The following RALGAPA2 variants were observed in gnomAD, a reference collection of about 807,000 sequenced individuals.
RALGAPA2 encodes the protein Ral GTPase activating protein catalytic subunit alpha 2.
In RALGAPA2, 139 loss-of-function variants were observed where a neutral mutation model predicts 230.4. The observed-to-expected ratio is 0.60, with a 90% CI of 0.53 to 0.69. The LOEUF (loss-of-function observed/expected upper bound fraction) is 0.69. Ranked by LOEUF, RALGAPA2 falls within the 30% of genes least tolerant of loss-of-function variation. RALGAPA2 has a pLI of 0.00. For missense variants in RALGAPA2, 2,163 were observed against 2,276.0 expected (o/e 0.95, Z 1.01); for synonymous variants, 847 against 837.8 (o/e 1.01, Z -0.19).
intron 30 of RALGAPA2, among the ~76,000 whole-genome samples, chr20:20,521,352 T>C (rs1170349473): frequency 6.6e-6 from 1 of 152,156 alleles, no homozygotes; most frequent in Non-Finnish European, 1.5e-5. Context: ...TCTGTGTGAT[T>C]GCACATACCT....
At chr20:20,537,675 G>C (rs2063533633) in intron 24 of RALGAPA2, among the ~76,000 whole-genome samples, 1 of 148,740 alleles carries the variant, frequency 6.7e-6, no homozygotes, top group African/African-American at 2.5e-5. Flanking sequence ...GCCAACACTA[G>C]CAGATATGGT....
chr20:20,495,226 G>C lies in RALGAPA2; in HGVS notation c.5258C>G (p.Ser1753Cys), dbSNP rs1354340414. 2.5e-6 allele frequency: 4 copies of C among 1,609,928 alleles called. No individual in the cohort carries two copies. The African/African-American group carries it at 5.3e-5, about 21-fold the overall frequency. The stretch of plus-strand genomic sequence containing the variant: ...GATAATACCCCTGCGGTAGTCTCTG[G>C]AGTGTTCAGACCAGACGATATGGAC... ...DEVHIVWSEHSRDYRRGIIPT... is the reference protein window; with the variant it reads ...DEVHIVWSEHCRDYRRGIIPT... Residue 1753 changes from serine to cysteine, a missense_variant, in exon 36 of 40, where the codon TCC becomes TGC. Ser to Cys is a moderately radical substitution (Grantham distance 112). Transcript: ENST00000202677.
At chr20:20,672,399 C>T (rs2068165851) in intron 3 of RALGAPA2, among the ~76,000 whole-genome samples, 1 of 152,050 alleles carries the variant, frequency 6.6e-6, no homozygotes, top group Admixed American at 6.5e-5. Flanking sequence ...TGAAATATTA[C>T]ACAGTAAATG....
chr20:20,683,941 G>A (rs1280755682), intron 1 of RALGAPA2, among the ~76,000 whole-genome samples: 1 of 152,154 alleles, frequency 6.6e-6, no homozygotes, highest in Non-Finnish European at 1.5e-5. Flanking sequence ...TTGCTCTAAT[G>A]TAACTTCTGA....
rs2067484930 is a variant in RALGAPA2, at chr20:20,653,582, T to C, written c.276A>G (p.Ile92Met). 1 of 1,468,116 alleles carries C rather than the reference T, an allele frequency of 6.8e-7. No homozygotes were observed. Among genetic ancestry groups the C allele is most frequent in the East Asian group, 2.5e-5 (1 of 40,400 alleles). 90.9% of individuals were successfully genotyped at this position (1,468,116 alleles called of 1,614,324 possible). Residue 92 changes from isoleucine to methionine, a missense_variant, in exon 4 of 40, where the codon ATA (isoleucine) becomes ATG (methionine). By Grantham distance (10) the Ile-to-Met change is conservative. Transcript: ENST00000202677. Reference protein sequence around the residue: ...LDSILFLFEKILQFLPERIFF... With the variant: ...LDSILFLFEKMLQFLPERIFF... ...AAATTCGTTCAGGTAGAAACTGCAG[T>C]ATTTTCTATTAAAAAAAGATATAAA... is the stretch of plus-strand genomic sequence containing the variant.
chr20:20,476,742 T>C (rs1225756605), intron 36 of RALGAPA2, among the ~76,000 whole-genome samples: 4 of 151,088 alleles, frequency 2.6e-5, no homozygotes, highest in Non-Finnish European at 3.0e-5. Flanking sequence ...TTGGACTATA[T>C]AGAAATTTCT....
At chr20:20,672,062 A>G (rs1409989299) in intron 3 of RALGAPA2, among the ~76,000 whole-genome samples, 1 of 152,212 alleles carries the variant, frequency 6.6e-6, no homozygotes, top group Non-Finnish European at 1.5e-5. Context: ...TAGGATTTAC[A>G]GGTGACTATC....
chr20:20,632,675 T>C (rs1287212223), intron 9 of RALGAPA2, among the ~76,000 whole-genome samples: 3 of 152,194 alleles, frequency 2.0e-5, no homozygotes, highest in Non-Finnish European at 2.9e-5. Context: ...CATACAGATT[T>C]TTGTCTGCCT....
At chr20:20,602,142 A>T (rs1304300019) in intron 15 of RALGAPA2, among the ~76,000 whole-genome samples, 1 of 152,232 alleles carries the variant, frequency 6.6e-6, no homozygotes, top group Middle Eastern at 3.2e-3. Flanking sequence ...CTTTCTCAAT[A>T]CAAGAACAAT....
intron 10 of RALGAPA2, among the ~76,000 whole-genome samples, chr20:20,628,592 G>C (rs2066567589): frequency 6.6e-6 from 1 of 152,062 alleles, no homozygotes; most frequent in Admixed American, 6.6e-5. Flanking sequence ...GTCATGGTGG[G>C]GGTGGGGGCC....
At chr20:20,642,930 G>A (rs2146527314) in intron 5 of RALGAPA2, among the ~76,000 whole-genome samples, 1 of 152,190 alleles carries the variant, frequency 6.6e-6, no homozygotes, top group Non-Finnish European at 1.5e-5. Context: ...TGCCATTTAT[G>A]TTTTAGGGTA....
At chr20:20,589,058 T>C (rs6046947) in intron 18 of RALGAPA2, among the ~76,000 whole-genome samples, 6,259 of 152,244 alleles carry the variant, frequency 0.041, 169 homozygotes, top group African/African-American at 0.064. Flanking sequence ...TCCATTTTCA[T>C]GTTAATTTTT....
rs772476212 is a variant in RALGAPA2 at position 20,393,165 on chromosome 20, G to C, written c.*124C>G. On this transcript the variant is annotated 3_prime_UTR_variant, in exon 40 of 40. Coordinates refer to ENST00000202677, the MANE Select transcript of RALGAPA2 (RefSeq NM_020343.4). The stretch of plus-strand genomic sequence containing the variant: ...ATTTCCTGGAGATTCTGGGTTTAGT[G>C]GCTCGGGGCAGAGGCAGGAGAGGGT... The C allele has an allele frequency of 1.4e-5, 19 of 1,356,924 alleles. No individual in the cohort carries two copies. Among genetic ancestry groups the C allele is most frequent in the Non-Finnish European group, 1.8e-5 (18 of 1,017,684 alleles). 84.1% of individuals were successfully genotyped at this position (1,356,924 alleles called of 1,614,324 possible).
At chr20:20,425,626 T>A (rs967465601) in intron 37 of RALGAPA2, among the ~76,000 whole-genome samples, 4 of 152,190 alleles carry the variant, frequency 2.6e-5, no homozygotes, top group Non-Finnish European at 4.4e-5. Flanking sequence ...GGAAAGAAGC[T>A]GATGTGAAGG....
Position 20,584,923 on chromosome 20 carries a change from T to C in RALGAPA2, c.2472A>G (p.Glu824=), listed in dbSNP as rs1373807766. The C allele has an allele frequency of 6.2e-7, 1 of 1,611,594 alleles. No homozygotes were observed. The highest frequency in any genetic ancestry group is 1.3e-5 in the African/African-American group (1 of 74,910). ...ILVRRSSSPA[E]LDLKDDLQQT... is the part of the protein sequence containing the mutation. The stretch of plus-strand genomic sequence containing the variant: ...GCTGCAAATCATCTTTCAAATCCAA[T>C]TCAGCAGGGCTGCTGCTTCTTCGAA... Residue 824 remains glutamate (E), a synonymous_variant, in exon 19 of 40, where the codon GAA becomes GAG. Coordinates refer to ENST00000202677, the MANE Select transcript of RALGAPA2 (RefSeq NM_020343.4).
At chr20:20,593,973 C>T (rs549658368) in intron 16 of RALGAPA2, among the ~76,000 whole-genome samples, 102 of 152,102 alleles carry the variant, frequency 6.7e-4, no homozygotes, top group Non-Finnish European at 1.2e-3. Context: ...TCAGGAGGGA[C>T]GTATCAGATG....
chr20:20,432,340 A>G (rs1408599723), intron 37 of RALGAPA2, among the ~76,000 whole-genome samples: 1 of 152,180 alleles, frequency 6.6e-6, no homozygotes, highest in East Asian at 1.9e-4. Context: ...CCAGGTGATT[A>G]CCATGGGTTA....
In RALGAPA2 at chr20:20,600,043, C is replaced by T. The variant is rs543320175; in HGVS notation, c.2203+1639G>A. ...GGCATGGCAGCTCACTCCTGTAATCCCAGCACTTTGGGAAACAGAGACGGG... is the reference window on the plus strand; with the variant it reads ...GGCATGGCAGCTCACTCCTGTAATCTCAGCACTTTGGGAAACAGAGACGGG... On this transcript the variant is annotated intron_variant, in intron 16 of 39. Coordinates refer to ENST00000202677, the MANE Select transcript of RALGAPA2 (RefSeq NM_020343.4). Among the ~76,000 whole-genome samples the T allele has an allele frequency of 2.8e-4, 43 of 152,056 alleles. No homozygotes were observed. In the South Asian group the frequency reaches 2.9e-3, roughly 10 times the overall value.
At chr20:20,476,818 C>T (rs1181956403) in intron 36 of RALGAPA2, among the ~76,000 whole-genome samples, 1 of 151,994 alleles carries the variant, frequency 6.6e-6, no homozygotes, top group African/African-American at 2.4e-5. Flanking sequence ...AACATAGCCA[C>T]AAGGTCCATC....
Sources: allele counts gnomAD v4.1 joint callset (sites outside exome capture counted in the v4.1 genomes callset), GRCh38; gene constraint gnomAD v4.1.1; transcripts MANE v1.5; gene names NCBI Gene and HGNC (gene_info 2026-07-23, HGNC 2026-07-21).